CATSPERT: variants seen among roughly 807,000 people sequenced by gnomAD.
The protein encoded by CATSPERT is cation channel sperm-associated targeting subunit tau.
At chr2:201,560,468 T>TAATAATAAC in the CATSPERT span, among the ~76,000 whole-genome samples, 107 of 63,164 alleles carry the variant, frequency 1.7e-3, no homozygotes, top group Non-Finnish European at 2.7e-3. Flanking sequence ...ATAATAATAA[T>TAATAATAAC]AACAACAACA....
At chr2:201,574,157 G>A in the CATSPERT span, 6 of 1,311,936 alleles carry the variant, frequency 4.6e-6, no homozygotes, top group African/African-American at 3.0e-5. Flanking sequence ...AGAAGAGGAC[G>A]ATTTGACTGA....
chr2:201,494,910 A>T, the CATSPERT span: 1 of 477,718 alleles, frequency 2.1e-6, no homozygotes. Context: ...TAATTATTTT[A>T]AAATATTTGA....
chr2:201,593,402 C>T, the CATSPERT span, among the ~76,000 whole-genome samples: 4 of 151,838 alleles, frequency 2.6e-5, no homozygotes, highest in African/African-American at 9.7e-5. Flanking sequence ...TTACTTCCAA[C>T]TATGTGGTCA....
At chr2:201,532,228 T>C in the CATSPERT span, among the ~76,000 whole-genome samples, 4 of 152,190 alleles carry the variant, frequency 2.6e-5, no homozygotes, top group African/African-American at 7.2e-5. Flanking sequence ...CACAAGAACA[T>C]TTATTTTTGT....
chr2:201,566,829 TATTA>T, the CATSPERT span, among the ~76,000 whole-genome samples: 1 of 152,338 alleles, frequency 6.6e-6, no homozygotes, highest in Non-Finnish European at 1.5e-5. Flanking sequence ...TTTTAAAATC[TATTA>T]ATTTTTTGGA....
chr2:201,520,915 C>T, the CATSPERT span, among the ~76,000 whole-genome samples: 1 of 148,656 alleles, frequency 6.7e-6, no homozygotes, highest in African/African-American at 2.5e-5. Flanking sequence ...GAAGAAGAGA[C>T]ATCAAAATGG....
the CATSPERT span, among the ~76,000 whole-genome samples, chr2:201,537,779 G>A: frequency 6.6e-6 from 1 of 151,846 alleles, no homozygotes; most frequent in African/African-American, 2.4e-5. Flanking sequence ...TGATGGGACT[G>A]GGATTGGAAG....
chr2:201,490,880 T>C, the CATSPERT span, among the ~76,000 whole-genome samples: 13 of 152,058 alleles, frequency 8.5e-5, no homozygotes, highest in African/African-American at 3.1e-4. Context: ...CCCGCCACCA[T>C]GCCCGGCTAA....
the CATSPERT span, among the ~76,000 whole-genome samples, chr2:201,520,544 A>G: frequency 1.3e-5 from 2 of 152,260 alleles, no homozygotes; most frequent in Non-Finnish European, 2.9e-5. Context: ...ATGGAAATTA[A>G]ACAACATATT....
the CATSPERT span, chr2:201,555,676 T>C: frequency 6.6e-6 from 1 of 152,234 alleles, no homozygotes; most frequent in East Asian, 1.9e-4. Context: ...AAACTCAAAT[T>C]ATGAATGAAT....
At chr2:201,582,181 AAAT>A in the CATSPERT span, 9 of 1,607,214 alleles carry the variant, frequency 5.6e-6, no homozygotes, top group African/African-American at 1.2e-4. Flanking sequence ...AGTTCCAATA[AAAT>A]ATTATTCCGC....
chr2:201,610,509 T>C, the CATSPERT span, among the ~76,000 whole-genome samples: 1 of 151,138 alleles, frequency 6.6e-6, no homozygotes, highest in Non-Finnish European at 1.5e-5. Flanking sequence ...ACCACATGAC[T>C]TCACTGCTGA....
chr2:201,494,557 G>C, the CATSPERT span: 1 of 1,537,020 alleles, frequency 6.5e-7, no homozygotes, highest in East Asian at 2.4e-5. Flanking sequence ...GAAGATATTA[G>C]GGTCATGGGC....
chr2:201,576,128 C>T, the CATSPERT span, among the ~76,000 whole-genome samples: 3 of 152,128 alleles, frequency 2.0e-5, no homozygotes, highest in Non-Finnish European at 4.4e-5. Flanking sequence ...CTGCCATGCC[C>T]ACATTGTTTT....
chr2:201,581,579 TATATATATATATATACAC>T, the CATSPERT span, among the ~76,000 whole-genome samples: 1 of 80,204 alleles, frequency 1.2e-5, no homozygotes, highest in African/African-American at 5.2e-5. Flanking sequence ...TATATATATA[TATATATATATATATACAC>T]ATACATATTC....
At chr2:201,604,593 AG>A in the CATSPERT span, 2 of 1,489,230 alleles carry the variant, frequency 1.3e-6, no homozygotes, top group Non-Finnish European at 1.8e-6. Context: ...CAGGTTTTTG[AG>A]GGTTACTCAT....
chr2:201,598,177 C>T, the CATSPERT span, among the ~76,000 whole-genome samples: 132,411 of 152,190 alleles, frequency 0.87, 58,814 homozygotes, highest in South Asian at 0.98. Context: ...TCATGGCTCA[C>T]TGCAGCCTCA....
chr2:201,615,851 A>G, the CATSPERT span, among the ~76,000 whole-genome samples: 2 of 152,126 alleles, frequency 1.3e-5, no homozygotes, highest in Non-Finnish European at 2.9e-5. Context: ...TCAAATAGAC[A>G]CAGTAAAAAA....
the CATSPERT span, among the ~76,000 whole-genome samples, chr2:201,542,561 A>T: frequency 6.6e-6 from 1 of 152,164 alleles, no homozygotes; most frequent in Non-Finnish European, 1.5e-5. Context: ...CCATCTTAAC[A>T]GGTGTGATAT....
Sources: allele counts gnomAD v4.1 joint callset (sites outside exome capture counted in the v4.1 genomes callset), GRCh38; gene constraint gnomAD v4.1.1; transcripts MANE v1.5; gene names NCBI Gene and HGNC (gene_info 2026-07-23, HGNC 2026-07-21).